SH3RF1: variants seen among roughly 807,000 people sequenced by gnomAD.
SH3RF1 encodes SH3 domain containing ring finger 1, also known as E3 ubiquitin-protein ligase SH3RF1.
SH3RF1 carries 32 observed loss-of-function variants against 74.0 expected under a neutral mutation model. The ratio of observed to expected loss-of-function variants is 0.43; its 90% CI spans 0.33 to 0.58. SH3RF1 has a LOEUF of 0.58. Among genes scored for constraint, SH3RF1 ranks in the 20% least tolerant of loss-of-function variants. SH3RF1 has a pLI of 0.05. For synonymous variants in SH3RF1, 396 were observed against 439.6 expected (o/e 0.90, Z 1.24); for missense variants, 954 against 1,130.9 (o/e 0.84, Z 2.24).
chr4:169,254,582 T>G (rs1731154759), intron 2 of SH3RF1, among the ~76,000 whole-genome samples: 1 of 152,010 alleles, frequency 6.6e-6, no homozygotes, highest in African/African-American at 2.4e-5. Flanking sequence ...AACTAACCAC[T>G]CGAGAGATGG....
chr4:169,114,459 G>A (rs1733297263), intron 10 of SH3RF1, among the ~76,000 whole-genome samples: 1 of 152,176 alleles, frequency 6.6e-6, no homozygotes, highest in African/African-American at 2.4e-5. Context: ...TTTTGGCCAT[G>A]TAATGAAACA....
chr4:169,190,682 G>A (rs181534533), intron 2 of SH3RF1, among the ~76,000 whole-genome samples: 4 of 151,582 alleles, frequency 2.6e-5, no homozygotes, highest in East Asian at 3.9e-4. Flanking sequence ...ACACTATTCC[G>A]CAAGACAGAG....
At chr4:169,211,498 A>AG (rs1554008977) in intron 2 of SH3RF1, among the ~76,000 whole-genome samples, 73 of 151,014 alleles carry the variant, frequency 4.8e-4, no homozygotes, top group Middle Eastern at 3.4e-3. Context: ...AAAAAAAAAA[A>AG]AAGAAGAAGA....
intron 2 of SH3RF1, among the ~76,000 whole-genome samples, chr4:169,191,870 C>A (rs1734718076): frequency 6.6e-6 from 1 of 152,136 alleles, no homozygotes; most frequent in African/African-American, 2.4e-5. Context: ...CCTCACCTCT[C>A]ACCTTATACA....
At chr4:169,226,175 A>G (rs1730651170) in intron 2 of SH3RF1, among the ~76,000 whole-genome samples, 1 of 152,140 alleles carries the variant, frequency 6.6e-6, no homozygotes, top group Non-Finnish European at 1.5e-5. Flanking sequence ...TATGAATGAA[A>G]GAGGTAGGTG....
intron 11 of SH3RF1, among the ~76,000 whole-genome samples, chr4:169,102,519 T>C (rs1210646940): frequency 1.3e-5 from 2 of 152,058 alleles, no homozygotes; most frequent in Non-Finnish European, 2.9e-5. Context: ...TCTTTATATA[T>C]ATATTTTTTT....
intron 2 of SH3RF1, among the ~76,000 whole-genome samples, chr4:169,208,099 T>C: frequency 6.6e-6 from 1 of 151,908 alleles, no homozygotes. Flanking sequence ...AATAAAAGCA[T>C]ACGTGGAAAC....
chr4:169,221,904 A>G (rs1730570334), intron 2 of SH3RF1, among the ~76,000 whole-genome samples: 1 of 152,324 alleles, frequency 6.6e-6, no homozygotes, highest in African/African-American at 2.4e-5. Flanking sequence ...TTTTTGCTTA[A>G]CTGGATAGAC....
chr4:169,238,016 C>A (rs1027352310), intron 2 of SH3RF1, among the ~76,000 whole-genome samples: 48 of 152,250 alleles, frequency 3.2e-4, no homozygotes, highest in South Asian at 1.0e-3. Flanking sequence ...CTTGATGTCT[C>A]CTCTTAATAA....
chr4:169,211,460 C>T (rs942235883), intron 2 of SH3RF1, among the ~76,000 whole-genome samples: 12 of 119,652 alleles, frequency 1.0e-4, no homozygotes, highest in Non-Finnish European at 1.9e-4. Flanking sequence ...CCAGCCTGGG[C>T]AACAGAGCGA....
chr4:169,146,676 T>A (rs1198412120), intron 4 of SH3RF1, among the ~76,000 whole-genome samples: 1 of 151,500 alleles, frequency 6.6e-6, no homozygotes, highest in Non-Finnish European at 1.5e-5. Context: ...CTGCAGGGAG[T>A]AAGAAAGCAG....
chr4:169,239,193 C>T (rs952207538), intron 2 of SH3RF1, among the ~76,000 whole-genome samples: 2 of 152,132 alleles, frequency 1.3e-5, no homozygotes, highest in African/African-American at 4.8e-5. Flanking sequence ...TGTGGATAGC[C>T]ATTTCTGCCA....
chr4:169,136,361 C>A lies in SH3RF1; in HGVS notation c.1025G>T (p.Arg342Leu), dbSNP rs754547078. 1.3e-6 allele frequency: 2 copies of A among 1,529,588 alleles called. No homozygotes were observed. Among genetic ancestry groups the A allele is most frequent in the South Asian group, 1.3e-5 (1 of 77,064 alleles). 94.8% of individuals were successfully genotyped at this position (1,529,588 alleles called of 1,614,324 possible). ...ISSSNPTAAA[R>L]ISELSGLSCS... ...GGAGAGCCCAGACAGCTCGCTGATC[C>A]GTGCAGCAGCAGTGGGGTTGCTGGA... The change falls in exon 5 of 12, where the codon CGG (arginine) becomes CTG (leucine). Residue 342 changes from arginine to leucine, a missense_variant. Physicochemically the swap from Arg to Leu is moderately radical, Grantham distance 102. This residue lies in a region of SH3RF1 where 854 missense variants were observed against 962.5 expected (regional missense o/e 0.89). Coordinates refer to ENST00000284637, the MANE Select transcript of SH3RF1 (RefSeq NM_020870.4).
intron 11 of SH3RF1, among the ~76,000 whole-genome samples, chr4:169,096,889 A>G (rs969325267): frequency 6.6e-6 from 1 of 152,218 alleles, no homozygotes; most frequent in African/African-American, 2.4e-5. Flanking sequence ...ATGTGTGTCA[A>G]CCCACTACTG....
At chr4:169,176,464 C>A (rs1223465813) in intron 2 of SH3RF1, among the ~76,000 whole-genome samples, 1 of 152,106 alleles carries the variant, frequency 6.6e-6, no homozygotes, top group Non-Finnish European at 1.5e-5. Context: ...TCAATTTTAA[C>A]CGAACAAAAC....
chr4:169,136,496 T>C lies in SH3RF1; in HGVS notation c.890A>G (p.Lys297Arg). Residue 297 changes from lysine to arginine, a missense_variant, in exon 5 of 12, where the codon AAG becomes AGG. Physicochemically the swap from Lys to Arg is conservative, Grantham distance 26. This residue lies in a region of SH3RF1 where 854 missense variants were observed against 962.5 expected (regional missense o/e 0.89). Transcript: ENST00000284637. ...STAPKHSDTK[K>R]NTKKRHSFTS... is the part of the protein sequence containing the mutation. Reference sequence around the variant, plus strand: ...GAAGGAGTGCCGCTTTTTGGTGTTCTTCTTGGTGTCGGAGTGCTTTGGGGC... The same window carrying C: ...GAAGGAGTGCCGCTTTTTGGTGTTCCTCTTGGTGTCGGAGTGCTTTGGGGC... 3 of 1,613,868 alleles carry C rather than the reference T, an allele frequency of 1.9e-6. No homozygotes were observed. Among genetic ancestry groups the C allele is most frequent in the Non-Finnish European group, 2.5e-6 (3 of 1,179,948 alleles).
chr4:169,269,354 T>C (rs893469046), intron 1 of SH3RF1, 47 bp from the exon 2 acceptor site: 1 of 815,940 alleles, frequency 1.2e-6, no homozygotes, highest in South Asian at 2.2e-5. Flanking sequence ...AGTGTTGTTA[T>C]CTAGGGAAAA....
At chr4:169,104,809 G>A (rs1733105602) in intron 11 of SH3RF1, among the ~76,000 whole-genome samples, 1 of 151,160 alleles carries the variant, frequency 6.6e-6, no homozygotes, top group African/African-American at 2.4e-5. Context: ...GCAGAGGCAG[G>A]AGAATCACTT....
intron 4 of SH3RF1, among the ~76,000 whole-genome samples, chr4:169,137,030 C>T (rs1305736729): frequency 6.6e-6 from 1 of 152,252 alleles, no homozygotes; most frequent in Middle Eastern, 3.4e-3. Flanking sequence ...GGTATTTGCT[C>T]AAAGCACAAC....
Sources: allele counts gnomAD v4.1 joint callset (sites outside exome capture counted in the v4.1 genomes callset), GRCh38; gene constraint gnomAD v4.1.1; regional missense constraint gnomAD v4.1.1; transcripts MANE v1.5; gene names NCBI Gene and HGNC (gene_info 2026-07-23, HGNC 2026-07-21).